Variants in EMCN observed in about 807,000 individuals in gnomAD.
EMCN encodes MUC-14.
In EMCN, 37 loss-of-function variants were observed where a neutral mutation model predicts 38.4. The observed-to-expected ratio is 0.96, with a 90% confidence interval of 0.74 to 1.27. The LOEUF is 1.27. Ranked by LOEUF, EMCN falls within the 50% of genes most tolerant of loss-of-function variation. EMCN has a pLI of 0.00. For missense variants in EMCN, 318 were observed against 302.8 expected, an observed-to-expected ratio of 1.05 and a Z score of -0.37; for synonymous variants, 95 against 100.8, an observed-to-expected ratio of 0.94 and a Z score of 0.35.
At chr4:100,459,609 A>G (rs997928991) in intron 4 of EMCN, among the ~76,000 whole-genome samples, 15 of 152,072 alleles carry the variant, frequency 9.9e-5, no homozygotes, top group African/African-American at 3.1e-4. Flanking sequence ...TCTAGTAACT[A>G]CCATTCTACT....
At chr4:100,427,289 G>A (rs944280978) in intron 5 of EMCN, among the ~76,000 whole-genome samples, 2 of 150,748 alleles carry the variant, frequency 1.3e-5, no homozygotes, top group African/African-American at 4.9e-5. Context: ...TTTTTATATT[G>A]AGAACAGGAT....
rs149781730 is a variant in EMCN, at chr4:100,485,774, G to A, written c.65-5735C>T. On this transcript the variant is annotated intron_variant, in intron 1 of 11. Transcript: ENST00000296420. ...GTGCTCCTTCTCTTTTGATATGGGA[G>A]AGGTCACTTTGATCCATGGCCAACC... Among the ~76,000 whole-genome samples the A allele has an allele frequency of 3.0e-4, 45 of 152,088 alleles. No individual in the cohort carries two copies. In the East Asian group the frequency reaches 8.1e-3, roughly 27 times the overall value.
intron 5 of EMCN, among the ~76,000 whole-genome samples, chr4:100,426,788 C>T (rs748169415): frequency 6.6e-6 from 1 of 152,050 alleles, no homozygotes; most frequent in South Asian, 2.1e-4. Context: ...GGAAAATCAC[C>T]CCTTCCCCAC....
intron 5 of EMCN, among the ~76,000 whole-genome samples, chr4:100,429,368 G>A (rs1343295682): frequency 6.6e-6 from 1 of 152,004 alleles, no homozygotes; most frequent in Non-Finnish European, 1.5e-5. Flanking sequence ...CTAACTTTAG[G>A]GTTTTAGATT....
At chr4:100,399,510 A>G (rs1317406753) in intron 11 of EMCN, among the ~76,000 whole-genome samples, 1 of 152,168 alleles carries the variant, frequency 6.6e-6, no homozygotes, top group Non-Finnish European at 1.5e-5. Context: ...TAGCAGCTAC[A>G]GGTATCCATG....
chr4:100,510,285 A>G (rs1326894494), intron 1 of EMCN, among the ~76,000 whole-genome samples: 4 of 152,224 alleles, frequency 2.6e-5, no homozygotes, highest in African/African-American at 4.8e-5. Flanking sequence ...GGTAAATAAC[A>G]TAAATCTGAA....
At chr4:100,443,749 G>T (rs1018489290) in intron 5 of EMCN, among the ~76,000 whole-genome samples, 2 of 152,192 alleles carry the variant, frequency 1.3e-5, no homozygotes, top group African/African-American at 2.4e-5. Context: ...GTAAGGCAGG[G>T]TCTGTTCCTC....
At chr4:100,465,622 A>C (rs1728295621) in intron 3 of EMCN, 83 bp from the exon 4 acceptor site, 1 of 679,972 alleles carries the variant, frequency 1.5e-6, no homozygotes, top group Non-Finnish European at 2.4e-6. Context: ...TCCAACTAAA[A>C]CTTGAAGATT....
intron 3 of EMCN, among the ~76,000 whole-genome samples, chr4:100,467,822 A>G (rs1282553788): frequency 1.4e-4 from 21 of 152,222 alleles, no homozygotes; most frequent in Non-Finnish European, 2.4e-4. Context: ...TCAGAGAAAA[A>G]GTAAATCAAT....
At chr4:100,417,870 T>A (rs1235525160) in intron 8 of EMCN, among the ~76,000 whole-genome samples, 2 of 152,230 alleles carry the variant, frequency 1.3e-5, no homozygotes, top group Non-Finnish European at 2.9e-5. Context: ...TGTGATTGCA[T>A]AAGGTTCCCC....
intron 1 of EMCN, among the ~76,000 whole-genome samples, chr4:100,487,622 C>T (rs1244488681): frequency 6.6e-6 from 1 of 152,148 alleles, no homozygotes; most frequent in Non-Finnish European, 1.5e-5. Context: ...GGACAGTTTT[C>T]CCCATGCTGT....
chr4:100,449,709 A>G (rs942980481), intron 4 of EMCN, among the ~76,000 whole-genome samples: 1 of 152,088 alleles, frequency 6.6e-6, no homozygotes, highest in Non-Finnish European at 1.5e-5. Flanking sequence ...AAAATGTGTA[A>G]TAATTCTAGA....
intron 1 of EMCN, among the ~76,000 whole-genome samples, chr4:100,497,204 T>C (rs1382791122): frequency 6.7e-6 from 1 of 149,918 alleles, no homozygotes; most frequent in East Asian, 1.9e-4. Context: ...ATAATCTAGC[T>C]AGACTTGAGT....
intron 8 of EMCN, among the ~76,000 whole-genome samples, chr4:100,419,812 T>C (rs1376503969): frequency 1.3e-5 from 2 of 152,096 alleles, no homozygotes; most frequent in Non-Finnish European, 1.5e-5. Context: ...GATTTGTTTT[T>C]ACTTTTCACC....
intron 2 of EMCN, among the ~76,000 whole-genome samples, chr4:100,478,925 G>A (rs1728732352): frequency 6.6e-6 from 1 of 152,042 alleles, no homozygotes; most frequent in Non-Finnish European, 1.5e-5. Context: ...TTCAAAGAAG[G>A]ATGCTTCAGT....
chr4:100,504,692 T>G (rs1390445889), intron 1 of EMCN, among the ~76,000 whole-genome samples: 1 of 152,236 alleles, frequency 6.6e-6, no homozygotes, highest in Non-Finnish European at 1.5e-5. Flanking sequence ...CGCCAGCGTC[T>G]GGGAAGACGC....
At chr4:100,439,906 T>C (rs1418173155) in intron 5 of EMCN, among the ~76,000 whole-genome samples, 1 of 152,090 alleles carries the variant, frequency 6.6e-6, no homozygotes, top group Admixed American at 6.5e-5. Flanking sequence ...CAGGAGCACG[T>C]TACTTAATTA....
intron 3 of EMCN, among the ~76,000 whole-genome samples, chr4:100,471,273 A>G (rs570860221): frequency 2.0e-5 from 3 of 152,024 alleles, no homozygotes; most frequent in South Asian, 4.1e-4. Context: ...ATTATTACCA[A>G]CCTTACAGAA....
intron 4 of EMCN, among the ~76,000 whole-genome samples, chr4:100,447,987 C>A (rs1209515446): frequency 6.6e-6 from 1 of 151,594 alleles, no homozygotes; most frequent in Non-Finnish European, 1.5e-5. Context: ...TCTGGTATAC[C>A]CTCACACTTT....
Sources: allele counts gnomAD v4.1 joint callset (sites outside exome capture counted in the v4.1 genomes callset), GRCh38; gene constraint gnomAD v4.1.1; transcripts MANE v1.5; gene names NCBI Gene and HGNC (gene_info 2026-07-23, HGNC 2026-07-21).